ITPR1: variants seen among roughly 807,000 people sequenced by gnomAD.
The protein encoded by ITPR1 is inositol 1,4,5-trisphosphate receptor type 1, also known as inositol 1,4,5-trisphosphate-gated calcium channel ITPR1.
A neutral mutation model predicts 318.4 loss-of-function variants in ITPR1; 96 were observed. The observed-to-expected ratio is 0.30, with a 90% CI of 0.26 to 0.36. The LOEUF (loss-of-function observed/expected upper bound fraction) is 0.36, where lower values mean the gene tolerates loss of function less well. Ranked by LOEUF, ITPR1 falls within the 10% of genes least tolerant of loss-of-function variation. The probability of loss-of-function intolerance (pLI) is 1.00; values close to 1 mark genes in which losing one functional copy is unlikely to be tolerated. For missense variants in ITPR1, 2,440 were observed against 3,460.2 expected (o/e 0.71, Z 7.40); for synonymous variants, 1,312 against 1,289.9 (o/e 1.02, Z -0.37).
In ITPR1 at chr3:4,587,859, C is replaced by T. The variant is rs181295607; in HGVS notation, c.164-39904C>T. Among the ~76,000 whole-genome samples, 863 of 152,294 alleles carry T rather than the reference C, an allele frequency of 5.7e-3. 14 individuals are homozygous for T. The highest frequency in any genetic ancestry group is 0.02 in the African/African-American group (823 of 41,560). On this transcript the variant is annotated intron_variant, in intron 4 of 61. Transcript: ENST00000649015. ...CACTGAAGGCTGCAAATCATGCTTC[C>T]TGGAGTCTTCTTAAAGACAGCTTCT...
chr3:4,718,030 C>T (rs1574993802), intron 40 of ITPR1, among the ~76,000 whole-genome samples: 1 of 152,310 alleles, frequency 6.6e-6, no homozygotes, highest in Admixed American at 6.5e-5. Flanking sequence ...CCAGTGGCTT[C>T]TGTACTTATA....
intron 36 of ITPR1, 128 bp from the exon 37 acceptor site, chr3:4,706,039 C>A: frequency 2.3e-6 from 2 of 864,874 alleles, no homozygotes; most frequent in Non-Finnish European, 1.8e-6. Flanking sequence ...TCTTTAAGCT[C>A]AATACCAGGC....
At chr3:4,533,195 C>T (rs1324759718) in intron 4 of ITPR1, among the ~76,000 whole-genome samples, 1 of 152,126 alleles carries the variant, frequency 6.6e-6, no homozygotes, top group African/African-American at 2.4e-5. Flanking sequence ...GGAAAGATGG[C>T]ATTATTGAAT....
intron 61 of ITPR1, among the ~76,000 whole-genome samples, chr3:4,837,217 C>T (rs896665826): frequency 1.3e-5 from 2 of 152,176 alleles, no homozygotes; most frequent in African/African-American, 4.8e-5. Flanking sequence ...ATGCAGACTA[C>T]TTCAGTGAAG....
At position 4,668,074 on chromosome 3, in the gene ITPR1, A is replaced by T. The variant is rs114291927; in HGVS notation, c.1886+525A>T. ...ATTTATTTTTTGTTACAAAGAATTC[A>T]GTTCTATTCTTTTAGTTATTTTAAA... On this transcript the variant is annotated intron_variant, in intron 18 of 61. Transcript: ENST00000649015. 9.7e-3 allele frequency among the ~76,000 whole-genome samples: 1,477 copies of T among 152,264 alleles called. 23 individuals carry two copies. Among genetic ancestry groups the T allele is most frequent in the African/African-American group, 0.033 (1,376 of 41,532 alleles).
At chr3:4,663,467 C>A (rs111411106) in intron 16 of ITPR1, among the ~76,000 whole-genome samples, 78 of 152,226 alleles carry the variant, frequency 5.1e-4, no homozygotes, top group African/African-American at 1.8e-3. Context: ...ACCTCAAAGG[C>A]TTGATGAATT....
intron 12 of ITPR1, among the ~76,000 whole-genome samples, chr3:4,656,581 T>C (rs1193682618): frequency 6.6e-6 from 1 of 152,134 alleles, no homozygotes; most frequent in Non-Finnish European, 1.5e-5. Context: ...AAGAACCTTT[T>C]TTAAAAAAAC....
At chr3:4,596,705 C>T (rs1157819211) in intron 4 of ITPR1, among the ~76,000 whole-genome samples, 2 of 152,120 alleles carry the variant, frequency 1.3e-5, no homozygotes, top group Non-Finnish European at 2.9e-5. Context: ...CTCTTGTGAT[C>T]AGAGCTGCTC....
intron 4 of ITPR1, among the ~76,000 whole-genome samples, chr3:4,544,911 C>T (rs2084818524): frequency 6.6e-6 from 1 of 152,212 alleles, no homozygotes; most frequent in African/African-American, 2.4e-5. Context: ...CCTTCCACTT[C>T]AGCCCCCAAG....
chr3:4,524,149 TC>T (rs2082781494), intron 4 of ITPR1, among the ~76,000 whole-genome samples: 1 of 152,140 alleles, frequency 6.6e-6, no homozygotes, highest in Non-Finnish European at 1.5e-5. Context: ...AAACCAGAGG[TC>T]CCCTGCACCC....
Position 4,493,886 on chromosome 3 carries a change from C to CTT in ITPR1, c.-93+299_-93+300dup, listed in dbSNP as rs71301158. Among the ~76,000 whole-genome samples, 2,156 of 125,534 alleles carry CTT rather than the reference C, an allele frequency of 0.017. 147 individuals are homozygous for CTT. In the East Asian group the frequency reaches 0.22, roughly 13 times the overall value. The allele number at this position is 125,534 out of a possible 152,430, so 82.4% of individuals were successfully genotyped here. A position where few individuals can be genotyped will look rare whatever the true frequency, so the allele number is the denominator to read the frequency against. On this transcript the variant is annotated intron_variant, in intron 1 of 61. Transcript: ENST00000649015. ...GTTGCTGCAGCTGCAGGAAATAGTT[C>CTT]TTTTTTTTTTTTTTTTTTTGAAGAG...
Position 4,658,292 on chromosome 3 carries a change from A to G in ITPR1, c.1151+14A>G, listed in dbSNP as rs2125184649. 6.3e-7 allele frequency: 1 copy of G among 1,595,242 alleles called. No homozygotes were observed. Among genetic ancestry groups the G allele is most frequent in the Non-Finnish European group, 8.6e-7 (1 of 1,166,252 alleles). On this transcript the variant is annotated intron_variant, in intron 13 of 61. Coordinates refer to ENST00000649015, the MANE Select transcript of ITPR1 (RefSeq NM_001378452.1). Reference sequence around the variant, plus strand: ...CCTTGTCCCAAGGTATCATTTTAAAATTGCTTTTCCCCAAAGAATCAGGCC... The same window carrying G: ...CCTTGTCCCAAGGTATCATTTTAAAGTTGCTTTTCCCCAAAGAATCAGGCC...
At chr3:4,681,506 T>A (rs1246396832) in intron 26 of ITPR1, 88 bp downstream of exon 26, 1 of 916,046 alleles carries the variant, frequency 1.1e-6, no homozygotes, top group Non-Finnish European at 1.8e-6. Context: ...TAGTAAATAT[T>A]TAGTCTCTGG....
intron 54 of ITPR1, among the ~76,000 whole-genome samples, chr3:4,804,610 C>G (rs2048443859): frequency 6.6e-6 from 1 of 152,170 alleles, no homozygotes; most frequent in Admixed American, 6.5e-5. Flanking sequence ...TTGGCAGGAT[C>G]TGGGGTGTGT....
intron 4 of ITPR1, among the ~76,000 whole-genome samples, chr3:4,528,557 G>A (rs778485612): frequency 3.9e-5 from 6 of 152,138 alleles, no homozygotes; most frequent in Admixed American, 1.3e-4. Context: ...GAATGAATCC[G>A]TATCTTACTT....
intron 13 of ITPR1, 131 bp from the exon 14 acceptor site, chr3:4,660,857 G>A: frequency 2.1e-6 from 1 of 467,448 alleles, no homozygotes. Flanking sequence ...GCCCCTTCGT[G>A]TATACTGCCC....
At chr3:4,532,687 A>G (rs2083518819) in intron 4 of ITPR1, among the ~76,000 whole-genome samples, 2 of 152,162 alleles carry the variant, frequency 1.3e-5, no homozygotes. Context: ...CTACATTTCT[A>G]ACAAGTTGTC....
Position 4,501,436 on chromosome 3 carries a change from C to T in ITPR1, c.-17+6930C>T, listed in dbSNP as rs79688457. On this transcript the variant is annotated intron_variant, in intron 2 of 61. Transcript: ENST00000649015. ...GCTAGCAATTGCAGACTCTCAGACCCTACTCCACATTCAATGAATGAGAAC... is the reference window on the plus strand; with the variant it reads ...GCTAGCAATTGCAGACTCTCAGACCTTACTCCACATTCAATGAATGAGAAC... 6.3e-4 allele frequency among the ~76,000 whole-genome samples: 96 copies of T among 152,372 alleles called. 1 individual carries two copies. In the East Asian group the frequency reaches 0.016, roughly 25 times the overall value.
chr3:4,558,709 G>A (rs1421957879), intron 4 of ITPR1, among the ~76,000 whole-genome samples: 1 of 152,168 alleles, frequency 6.6e-6, no homozygotes, highest in Non-Finnish European at 1.5e-5. Flanking sequence ...AGAGGCATTT[G>A]GGAAAAGGAG....
Sources: allele counts gnomAD v4.1 joint callset (sites outside exome capture counted in the v4.1 genomes callset), GRCh38; gene constraint gnomAD v4.1.1; transcripts MANE v1.5; gene names NCBI Gene and HGNC (gene_info 2026-07-23, HGNC 2026-07-21).